The following NEURL1 variants were observed in gnomAD, a reference collection of about 807,000 sequenced individuals.
NEURL1 encodes the protein neuralized E3 ubiquitin protein ligase 1.
NEURL1 carries 26 observed loss-of-function variants against 41.2 expected under a neutral mutation model. The ratio of observed to expected loss-of-function variants is 0.63; its 90% confidence interval spans 0.46 to 0.87. The LOEUF (loss-of-function observed/expected upper bound fraction) is 0.87, where lower values mean the gene tolerates loss of function less well. Ranked by LOEUF, NEURL1 falls within the 40% of genes least tolerant of loss-of-function variation. NEURL1 has a pLI of 0.00. For synonymous variants in NEURL1, 400 were observed against 402.3 expected, an observed-to-expected ratio of 0.99 and a Z score of 0.07; for missense variants, 761 against 871.1, an observed-to-expected ratio of 0.87 and a Z score of 1.59.
rs1376155141 is a variant in NEURL1 at position 103,494,168 on chromosome 10, C to T, written c.-220C>T. The stretch of plus-strand genomic sequence containing the variant: ...CCACGGGGCATGGGAGGCAGGTAGC[C>T]CAGCCTGCGCCAGGACACCCGTGGC... On this transcript the variant is annotated 5_prime_UTR_variant, in exon 1 of 6. Transcript: ENST00000369780. 2.1e-6 allele frequency: 1 copy of T among 479,700 alleles called. No homozygotes were observed. The allele number at this position is 479,700 out of a possible 1,614,324, so 29.7% of individuals were successfully genotyped here.
At chr10:103,543,340 A>C (rs752074820) in intron 1 of NEURL1, among the ~76,000 whole-genome samples, 1 of 152,210 alleles carries the variant, frequency 6.6e-6, no homozygotes, top group Non-Finnish European at 1.5e-5. Flanking sequence ...ATAGTACTGC[A>C]GGAACAAGGA....
In NEURL1 at chr10:103,582,932, T is replaced by A. The variant is rs567695540; in HGVS notation, c.650-1604T>A. ...GCATTAGGAGTTGGACAGACCTTTTTTTCAATCCTGGATCTGCCACATGGC... is the reference window on the plus strand; with the variant it reads ...GCATTAGGAGTTGGACAGACCTTTTATTCAATCCTGGATCTGCCACATGGC... On this transcript the variant is annotated intron_variant, in intron 3 of 5. Coordinates refer to ENST00000369780, the MANE Select transcript of NEURL1 (RefSeq NM_004210.5). 2.6e-5 allele frequency among the ~76,000 whole-genome samples: 4 copies of A among 152,354 alleles called. No individual in the cohort carries two copies. The East Asian group carries it at 7.7e-4, about 29-fold the overall frequency.
chr10:103,551,272 G>A (rs941117249), intron 1 of NEURL1, among the ~76,000 whole-genome samples: 1 of 149,144 alleles, frequency 6.7e-6, no homozygotes, highest in East Asian at 2.0e-4. Flanking sequence ...CACCCTTTTA[G>A]TAACAGAATC....
intron 1 of NEURL1, among the ~76,000 whole-genome samples, chr10:103,564,435 G>A (rs1345494509): frequency 3.3e-5 from 5 of 151,890 alleles, no homozygotes; most frequent in East Asian, 3.9e-4. Flanking sequence ...CAGCCCACAC[G>A]CCCCCCCCAT....
At chr10:103,544,869 C>T (rs2034895049) in intron 1 of NEURL1, among the ~76,000 whole-genome samples, 1 of 152,212 alleles carries the variant, frequency 6.6e-6, no homozygotes, top group Admixed American at 6.5e-5. Flanking sequence ...CCACCACCGC[C>T]ACCAGGAGGG....
At chr10:103,550,061 C>T (rs2035002404) in intron 1 of NEURL1, among the ~76,000 whole-genome samples, 1 of 152,218 alleles carries the variant, frequency 6.6e-6, no homozygotes, top group Admixed American at 6.5e-5. Flanking sequence ...GGTTTCTATT[C>T]CCCAGTGAAT....
At chr10:103,565,332 G>A (rs575249636) in intron 1 of NEURL1, among the ~76,000 whole-genome samples, 1 of 152,332 alleles carries the variant, frequency 6.6e-6, no homozygotes, top group East Asian at 1.9e-4. Context: ...ACAGACAGAA[G>A]GGGCTGAGGA....
In NEURL1 at chr10:103,590,290, G is replaced by A. The variant is rs200676641; in HGVS notation, c.1643G>A (p.Arg548His). The A allele has an allele frequency of 1.5e-5, 24 of 1,613,958 alleles. No homozygotes were observed. The highest frequency in any genetic ancestry group is 1.8e-5 in the Non-Finnish European group (21 of 1,180,010). Residue 548 changes from arginine (R) to histidine (H), a missense_variant, in exon 6 of 6, where the codon CGC becomes CAC. Physicochemically the swap from Arg to His is conservative, Grantham distance 29. Coordinates refer to ENST00000369780, the MANE Select transcript of NEURL1 (RefSeq NM_004210.5). The part of the protein sequence containing the change: ...HMCLCYACGL[R>H]LKKALHACCP... The stretch of plus-strand genomic sequence containing the variant: ...TGCCTCTGCTACGCCTGTGGCCTGC[G>A]CCTCAAGAAGGCTCTGCACGCCTGC...
rs56098530 is a variant in NEURL1 at position 103,503,788 on chromosome 10, C to CTTT, written c.85+9334_85+9336dup. On this transcript the variant is annotated intron_variant, in intron 1 of 5. Coordinates refer to ENST00000369780, the MANE Select transcript of NEURL1 (RefSeq NM_004210.5). ...AGAGCTCATGCTGTGCTCCCCCTGG[C>CTTT]TTTTTTTTTTTTTTTTTTTTGAGAC... 7.8e-3 allele frequency among the ~76,000 whole-genome samples: 865 copies of CTTT among 110,486 alleles called. 91 individuals are homozygous for CTTT. Among genetic ancestry groups the CTTT allele is most frequent in the Middle Eastern group, 0.019 (3 of 158 alleles). 72.5% of individuals were successfully genotyped at this position (110,486 alleles called of 152,430 possible).
At chr10:103,583,474 GGGA>G (rs2035826634) in intron 3 of NEURL1, among the ~76,000 whole-genome samples, 1 of 151,924 alleles carries the variant, frequency 6.6e-6, no homozygotes, top group South Asian at 2.1e-4. Flanking sequence ...GTAGCACTTT[GGGA>G]GACTGAGGCA....
chr10:103,510,524 G>A (rs1390593280), intron 1 of NEURL1, among the ~76,000 whole-genome samples: 1 of 152,216 alleles, frequency 6.6e-6, no homozygotes, highest in Non-Finnish European at 1.5e-5. Flanking sequence ...AGATGGGCCA[G>A]GTTGGGCCAA....
intron 1 of NEURL1, among the ~76,000 whole-genome samples, chr10:103,515,097 G>A (rs570901534): frequency 2.6e-5 from 4 of 152,032 alleles, no homozygotes; most frequent in African/African-American, 9.6e-5. Context: ...GTGTGGTGAT[G>A]GGCACCTGTA....
chr10:103,575,053 G>C (rs762657097), intron 3 of NEURL1, among the ~76,000 whole-genome samples: 2 of 151,238 alleles, frequency 1.3e-5, no homozygotes, highest in Admixed American at 1.3e-4. Context: ...ATCTCCTGAG[G>C]TGGGCGTGAT....
intron 1 of NEURL1, among the ~76,000 whole-genome samples, chr10:103,551,934 C>T (rs543170858): frequency 1.8e-4 from 28 of 152,290 alleles, no homozygotes; most frequent in African/African-American, 6.5e-4. Flanking sequence ...ACTTCCAGCT[C>T]GTGGAGCCCC....
Position 103,534,700 on chromosome 10 carries a change from A to C in NEURL1, c.86-36172A>C, listed in dbSNP as rs112004333. Reference sequence around the variant, plus strand: ...TATCTCTCTTGGTATCAAGTCTGACATGGCCTACAAGCAGCTGCAGCAGCC... The same window carrying C: ...TATCTCTCTTGGTATCAAGTCTGACCTGGCCTACAAGCAGCTGCAGCAGCC... On this transcript the variant is annotated intron_variant, in intron 1 of 5. Transcript: ENST00000369780. 2.2e-3 allele frequency among the ~76,000 whole-genome samples: 331 copies of C among 152,318 alleles called. 1 individual carries two copies. The highest frequency in any genetic ancestry group is 6.7e-3 in the African/African-American group (277 of 41,568).
At chr10:103,565,123 T>C (rs1385566928) in intron 1 of NEURL1, among the ~76,000 whole-genome samples, 4 of 151,484 alleles carry the variant, frequency 2.6e-5, no homozygotes, top group African/African-American at 9.7e-5. Flanking sequence ...TGAGGCAGGA[T>C]TGGTAGATGG....
intron 1 of NEURL1, among the ~76,000 whole-genome samples, chr10:103,519,272 A>AAAGAAAG (rs375529397): frequency 1.8e-3 from 268 of 152,214 alleles, no homozygotes; most frequent in African/African-American, 6.2e-3. Context: ...AGAAAGAAAG[A>AAAGAAAG]AAAAAACACT....
intron 1 of NEURL1, among the ~76,000 whole-genome samples, chr10:103,538,864 C>A (rs191937394): frequency 1.3e-5 from 2 of 151,516 alleles, no homozygotes; most frequent in Admixed American, 1.3e-4. Context: ...TCAGGCTGGT[C>A]TTGAACTCCA....
At chr10:103,577,575 T>A (rs541461728) in intron 3 of NEURL1, 1 of 152,364 alleles carries the variant, frequency 6.6e-6, no homozygotes, top group African/African-American at 2.4e-5. Context: ...CTTCTCTAGA[T>A]GTGAGTCCAT....
Sources: gnomAD v4.1 joint callset for allele counts (sites outside exome capture counted in the v4.1 genomes callset) on GRCh38, gnomAD v4.1.1 for gene constraint, MANE v1.5 for transcripts, NCBI Gene and HGNC (gene_info 2026-07-23, HGNC 2026-07-21) for gene names.